TRPM3: variants seen among roughly 807,000 people sequenced by gnomAD.
The protein encoded by TRPM3 is long transient receptor potential channel 3.
TRPM3 carries 77 observed loss-of-function variants against 181.2 expected under a neutral mutation model. The ratio of observed to expected loss-of-function variants is 0.42; its 90% CI spans 0.35 to 0.51. TRPM3 has a LOEUF of 0.51. TRPM3 is among the 20% of genes least tolerant of loss of function. The pLI, the probability that TRPM3 is intolerant of heterozygous loss-of-function variation, is 0.01. For synonymous variants in TRPM3, 745 were observed against 796.4 expected (o/e 0.94, Z 1.09); for missense variants, 1,759 against 2,196.7 (o/e 0.80, Z 3.98).
intron 1 of TRPM3, among the ~76,000 whole-genome samples, chr9:70,985,345 G>A (rs1251023995): frequency 6.6e-6 from 1 of 152,134 alleles, no homozygotes; most frequent in African/African-American, 2.4e-5. Flanking sequence ...TGTTTGGTGT[G>A]AAGATATGCC....
chr9:70,838,658 G>T (rs2094462104), intron 5 of TRPM3, among the ~76,000 whole-genome samples: 1 of 152,088 alleles, frequency 6.6e-6, no homozygotes, highest in Non-Finnish European at 1.5e-5. Context: ...TTGATGAAGT[G>T]TAGGATTATG....
chr9:70,989,137 C>T (rs2097451387), intron 1 of TRPM3, among the ~76,000 whole-genome samples: 1 of 152,016 alleles, frequency 6.6e-6, no homozygotes, highest in African/African-American at 2.4e-5. Context: ...GGTGATAGGA[C>T]ACATACACTA....
At chr9:70,672,633 T>C (rs1012782799) in intron 9 of TRPM3, among the ~76,000 whole-genome samples, 1 of 152,332 alleles carries the variant, frequency 6.6e-6, no homozygotes, top group South Asian at 2.1e-4. Context: ...AAGTATGAGA[T>C]CACCCTTATT....
intron 1 of TRPM3, among the ~76,000 whole-genome samples, chr9:71,040,545 C>T (rs1427833410): frequency 1.3e-5 from 2 of 152,056 alleles, no homozygotes; most frequent in Non-Finnish European, 2.9e-5. Context: ...TAAAAAATTG[C>T]CTTTGATTAG....
intron 1 of TRPM3, among the ~76,000 whole-genome samples, chr9:70,997,383 G>A (rs2097549986): frequency 1.3e-5 from 2 of 152,118 alleles, no homozygotes; most frequent in African/African-American, 2.4e-5. Flanking sequence ...TTTTAGTAGA[G>A]ACAGGGTTTC....
rs71367227 is a variant in TRPM3, at chr9:70,786,311, C to CAAAA, written c.974-2036_974-2033dup. On this transcript the variant is annotated intron_variant, in intron 6 of 25. Coordinates refer to ENST00000677713, the MANE Select transcript of TRPM3 (RefSeq NM_001366145.2). ...GAAACCCTGTCACTACTAAAAATAC[C>CAAAA]AAAAAAAAAAAAAAAAAAAAAAAAT... Among the ~76,000 whole-genome samples the CAAAA allele has an allele frequency of 1.6e-3, 86 of 54,456 alleles. 2 individuals carry two copies. The highest frequency in any genetic ancestry group is 5.2e-3 in the African/African-American group (74 of 14,268). The allele number at this position is 54,456 out of a possible 152,430, so 35.7% of individuals were successfully genotyped here.
chr9:71,307,460 T>C lies in TRPM3; in HGVS notation c.183+139193A>G, dbSNP rs141383927. On this transcript the variant is annotated intron_variant, in intron 1 of 24. Coordinates refer to the TRPM3 transcript ENST00000357533. The stretch of plus-strand genomic sequence containing the variant: ...ATGTTTACATATTTACTGTAATTTT[T>C]AGAAATTATTGTAGTAAATTATATA... 2.8e-3 allele frequency among the ~76,000 whole-genome samples: 421 copies of C among 152,288 alleles called. 3 individuals carry two copies. The highest frequency in any genetic ancestry group is 9.7e-3 in the African/African-American group (402 of 41,564).
intron 22 of TRPM3, among the ~76,000 whole-genome samples, chr9:70,563,669 T>C (rs1018520775): frequency 2.6e-5 from 4 of 152,084 alleles, no homozygotes; most frequent in Non-Finnish European, 5.9e-5. Flanking sequence ...CTGACCTCAC[T>C]GGGTCATGTA....
intron 1 of TRPM3, among the ~76,000 whole-genome samples, chr9:70,897,596 A>G (rs2096297163): frequency 6.6e-6 from 1 of 152,144 alleles, no homozygotes; most frequent in Admixed American, 6.5e-5. Flanking sequence ...TTTTGAAGAG[A>G]AAATTGTTTT....
chr9:70,905,489 G>A (rs1028142554), intron 1 of TRPM3, among the ~76,000 whole-genome samples: 3 of 152,078 alleles, frequency 2.0e-5, no homozygotes, highest in Admixed American at 2.0e-4. Context: ...CCTCCATTTA[G>A]TTGTAATTAT....
At chr9:71,349,270 G>A (rs997370607) in intron 1 of TRPM3, among the ~76,000 whole-genome samples, 2 of 152,156 alleles carry the variant, frequency 1.3e-5, no homozygotes, top group Non-Finnish European at 2.9e-5. Context: ...CTTTGACTGA[G>A]AAAATTATAA....
At chr9:71,057,761 T>G (rs2060831952) in intron 1 of TRPM3, among the ~76,000 whole-genome samples, 1 of 152,044 alleles carries the variant, frequency 6.6e-6, no homozygotes, top group African/African-American at 2.4e-5. Context: ...TTTTAGTCCT[T>G]CTCATGGCAA....
chr9:70,539,799 G>A (rs879538660), intron 25 of TRPM3, among the ~76,000 whole-genome samples: 1 of 152,112 alleles, frequency 6.6e-6, no homozygotes, highest in Admixed American at 6.6e-5. Flanking sequence ...TGCAAGTACT[G>A]TAGTTAAATT....
chr9:70,767,626 A>G (rs973990235), intron 7 of TRPM3, among the ~76,000 whole-genome samples: 1 of 152,136 alleles, frequency 6.6e-6, no homozygotes, highest in African/African-American at 2.4e-5. Flanking sequence ...GAAGACTACA[A>G]TAGCTCAACT....
Position 70,742,377 on chromosome 9 carries a change from T to C in TRPM3, c.1272+19224A>G, listed in dbSNP as rs181138005. 4.7e-3 allele frequency among the ~76,000 whole-genome samples: 713 copies of C among 152,260 alleles called. 8 individuals carry two copies. The highest frequency in any genetic ancestry group is 7.8e-3 in the Non-Finnish European group (531 of 67,994). The stretch of plus-strand genomic sequence containing the variant: ...ATGTTTTGATATATATAATGTATAG[T>C]GATCAGATCAGGGTAATTAGCATAT... On this transcript the variant is annotated intron_variant, in intron 8 of 25. Coordinates refer to ENST00000677713, the MANE Select transcript of TRPM3 (RefSeq NM_001366145.2).
intron 1 of TRPM3, among the ~76,000 whole-genome samples, chr9:70,987,116 A>C (rs529193750): frequency 2.0e-5 from 3 of 152,142 alleles, no homozygotes; most frequent in Non-Finnish European, 4.4e-5. Flanking sequence ...TCTCTTCCAG[A>C]AAGTTCTACA....
intron 1 of TRPM3, among the ~76,000 whole-genome samples, chr9:70,976,562 C>T (rs914963625): frequency 6.6e-6 from 1 of 152,150 alleles, no homozygotes; most frequent in Non-Finnish European, 1.5e-5. Context: ...TTTTTATGTA[C>T]ACTACAATTT....
At chr9:70,812,726 T>C (rs2131438460) in intron 6 of TRPM3, among the ~76,000 whole-genome samples, 1 of 152,282 alleles carries the variant, frequency 6.6e-6, no homozygotes. Context: ...AGCTATGTCT[T>C]TCCTGCAGAG....
intron 1 of TRPM3, among the ~76,000 whole-genome samples, chr9:71,195,053 C>T (rs1404421481): frequency 6.6e-6 from 1 of 151,846 alleles, no homozygotes; most frequent in Non-Finnish European, 1.5e-5. Flanking sequence ...ATCGTTTTAA[C>T]CCTGAGAAAC....
Sources: gnomAD v4.1 joint callset for allele counts (sites outside exome capture counted in the v4.1 genomes callset) on GRCh38, gnomAD v4.1.1 for gene constraint, MANE v1.5 for transcripts, NCBI Gene and HGNC (gene_info 2026-07-23, HGNC 2026-07-21) for gene names.